Variants in WNT3 observed in about 807,000 individuals in gnomAD.
The protein encoded by WNT3 is Wnt family member 3.
Under a neutral mutation model 34.2 loss-of-function variants are expected in WNT3, and 7 were observed. The ratio of observed to expected loss-of-function variants is 0.20; its 90% CI spans 0.12 to 0.38. The LOEUF (loss-of-function observed/expected upper bound fraction) is 0.38. Among genes scored for constraint, WNT3 ranks in the 10% least tolerant of loss-of-function variants. The probability of loss-of-function intolerance (pLI) is 1.00; values close to 1 mark genes in which losing one functional copy is unlikely to be tolerated. For missense variants in WNT3, 267 were observed against 499.8 expected (o/e 0.53, Z 4.44); for synonymous variants, 212 against 211.5 (o/e 1.00, Z -0.02).
chr17:46,793,204 G>A (rs957921897), intron 1 of WNT3, among the ~76,000 whole-genome samples: 1 of 144,042 alleles, frequency 6.9e-6, no homozygotes, highest in African/African-American at 2.5e-5. Flanking sequence ...AGCCCAGGAG[G>A]TCAAGGCTGC....
intron 4 of WNT3, among the ~76,000 whole-genome samples, chr17:46,767,909 C>T (rs138756005): frequency 6.6e-6 from 1 of 152,232 alleles, no homozygotes; most frequent in African/African-American, 2.4e-5. Context: ...CTGCCTCAGC[C>T]TCCCAAGCAG....
chr17:46,767,975 GACGGGTTTC>G (rs2146370138), intron 4 of WNT3, among the ~76,000 whole-genome samples: 1 of 152,188 alleles, frequency 6.6e-6, no homozygotes, highest in Admixed American at 6.5e-5. Context: ...TTTTAGTAGA[GACGGGTTTC>G]ACCATGTTGG....
intron 1 of WNT3, among the ~76,000 whole-genome samples, chr17:46,792,078 C>A (rs935607911): frequency 6.6e-6 from 1 of 152,214 alleles, no homozygotes; most frequent in Non-Finnish European, 1.5e-5. Context: ...CTTACACATA[C>A]ATAGAAATAG....
intron 1 of WNT3, among the ~76,000 whole-genome samples, chr17:46,797,628 A>G (rs139985647): frequency 1.1e-3 from 170 of 152,342 alleles, no homozygotes; most frequent in Middle Eastern, 6.8e-3. Context: ...CCTGCAACCC[A>G]AAGTTCCACG....
At chr17:46,812,833 A>G (rs2084293803) in intron 1 of WNT3, among the ~76,000 whole-genome samples, 1 of 152,240 alleles carries the variant, frequency 6.6e-6, no homozygotes, top group South Asian at 2.1e-4. Context: ...AGGTGAAAAT[A>G]GCTAACATCG....
chr17:46,779,245 A>G (rs1216774382), intron 1 of WNT3, among the ~76,000 whole-genome samples: 1 of 152,204 alleles, frequency 6.6e-6, no homozygotes, highest in East Asian at 1.9e-4. Flanking sequence ...GCTTCCGCCT[A>G]CACACAGGAC....
At chr17:46,772,887 G>C (rs1366321215) in intron 2 of WNT3, among the ~76,000 whole-genome samples, 1 of 152,094 alleles carries the variant, frequency 6.6e-6, no homozygotes, top group Admixed American at 6.5e-5. Context: ...AGGCTCAGCG[G>C]TTTGGGTGGC....
intron 2 of WNT3, among the ~76,000 whole-genome samples, chr17:46,771,151 C>A (rs199523): frequency 0.63 from 96,258 of 152,192 alleles, 32,820 homozygotes; most frequent in South Asian, 0.82. Context: ...CGCCCTCCTG[C>A]GCCACCTACA....
At chr17:46,779,105 C>CACACACACACACACA (rs1568079934) in intron 1 of WNT3, among the ~76,000 whole-genome samples, 2 of 35,396 alleles carry the variant, frequency 5.7e-5, no homozygotes, top group Non-Finnish European at 6.7e-5. Flanking sequence ...ACACACACAC[C>CACACACACACACACA]CCAGCCCACT....
intron 1 of WNT3, among the ~76,000 whole-genome samples, chr17:46,785,180 C>T (rs2059494032): frequency 6.6e-6 from 1 of 152,212 alleles, no homozygotes; most frequent in Non-Finnish European, 1.5e-5. Context: ...CCAGCCCTAA[C>T]CATGCTCCTG....
At chr17:46,798,442 T>C (rs1418158503) in intron 1 of WNT3, among the ~76,000 whole-genome samples, 1 of 152,244 alleles carries the variant, frequency 6.6e-6, no homozygotes, top group Non-Finnish European at 1.5e-5. Flanking sequence ...TCAAGTATTA[T>C]GTAATAAAAA....
intron 1 of WNT3, among the ~76,000 whole-genome samples, chr17:46,799,482 CT>C (rs2084097246): frequency 7.2e-6 from 1 of 139,266 alleles, no homozygotes; most frequent in African/African-American, 2.7e-5. Flanking sequence ...GAGTCTCACT[CT>C]GTTGCCCAGG....
intron 1 of WNT3, among the ~76,000 whole-genome samples, chr17:46,778,522 G>A (rs1362732241): frequency 2.6e-5 from 4 of 152,022 alleles, no homozygotes; most frequent in South Asian, 2.1e-4. Flanking sequence ...AAACATGCCC[G>A]GCCACCCCCA....
intron 1 of WNT3, among the ~76,000 whole-genome samples, chr17:46,811,693 G>A (rs1009631950): frequency 2.6e-5 from 4 of 152,200 alleles, no homozygotes; most frequent in Admixed American, 1.3e-4. Flanking sequence ...GGTGGCTCAC[G>A]CCTATAATCC....
chr17:46,778,555 C>T (rs2059430758), intron 1 of WNT3, among the ~76,000 whole-genome samples: 1 of 152,260 alleles, frequency 6.6e-6, no homozygotes, highest in African/African-American at 2.4e-5. Context: ...TGCCCGCACA[C>T]TGCTGAAATT....
intron 2 of WNT3, among the ~76,000 whole-genome samples, chr17:46,770,357 G>T (rs929163717): frequency 6.6e-6 from 1 of 152,222 alleles, no homozygotes; most frequent in Non-Finnish European, 1.5e-5. Flanking sequence ...GCAGGTTGCT[G>T]CAGAGATAAG....
At chr17:46,805,319 T>G (rs1186877004) in intron 1 of WNT3, among the ~76,000 whole-genome samples, 1 of 151,926 alleles carries the variant, frequency 6.6e-6, no homozygotes, top group Non-Finnish European at 1.5e-5. Flanking sequence ...ACGCCTGTAA[T>G]CCCAGCATTT....
intron 1 of WNT3, among the ~76,000 whole-genome samples, chr17:46,811,972 A>G (rs2084282214): frequency 6.6e-6 from 1 of 152,052 alleles, no homozygotes; most frequent in Admixed American, 6.5e-5. Flanking sequence ...AAAAAGAAAG[A>G]AAGAAAGAAA....
intron 1 of WNT3, among the ~76,000 whole-genome samples, chr17:46,779,503 C>A (rs2059442526): frequency 6.6e-6 from 1 of 152,232 alleles, no homozygotes; most frequent in African/African-American, 2.4e-5. Context: ...CCACCCACTG[C>A]CCAGCTGGGC....
Sources: allele counts gnomAD v4.1 joint callset (sites outside exome capture counted in the v4.1 genomes callset), GRCh38; gene constraint gnomAD v4.1.1; transcripts MANE v1.5; gene names NCBI Gene and HGNC (gene_info 2026-07-23, HGNC 2026-07-21).